Variants in CACNA1C observed in about 807,000 individuals in gnomAD.
The protein encoded by CACNA1C is voltage-dependent L-type calcium channel subunit alpha-1C.
A neutral mutation model predicts 229.0 loss-of-function variants in CACNA1C; 30 were observed. That is an observed-to-expected ratio of 0.13 (90% CI 0.10 to 0.18). The LOEUF is 0.18. CACNA1C is among the 10% of genes least tolerant of loss of function. The pLI is 1.00. For synonymous variants in CACNA1C, 1,114 were observed against 1,132.5 expected (o/e 0.98, Z 0.33); for missense variants, 1,658 against 2,845.0 (o/e 0.58, Z 9.49).
intron 3 of CACNA1C, among the ~76,000 whole-genome samples, chr12:2,421,354 A>G (rs2098977281): frequency 6.6e-6 from 1 of 152,252 alleles, no homozygotes; most frequent in South Asian, 2.1e-4. Flanking sequence ...ACTGGAGTCA[A>G]TGAGGCAATG....
intron 1 of CACNA1C, among the ~76,000 whole-genome samples, chr12:2,098,425 G>C (rs558576453): frequency 1.3e-5 from 2 of 152,312 alleles, no homozygotes; most frequent in East Asian, 3.9e-4. Flanking sequence ...AGACTTCCAG[G>C]AGTGGCACAA....
chr12:2,488,089 T>C lies in CACNA1C; in HGVS notation c.916+1827T>C, dbSNP rs1324482671. Among the ~76,000 whole-genome samples the C allele has an allele frequency of 6.6e-6, 1 of 152,150 alleles. No homozygotes were observed. Among genetic ancestry groups the C allele is most frequent in the Admixed American group, 6.5e-5 (1 of 15,278 alleles). ...AACAAAATGGGGGAGAGCGAAATGG[T>C]AGAATTCAGCCATCGAGCCAAAGAT... On this transcript the variant is annotated intron_variant, in intron 6 of 46. Transcript: ENST00000399655. This position sits in a 1 kb window ranked among gnomAD's most constrained non-coding sequence, Gnocchi z 4.0.
intron 1 of CACNA1C, among the ~76,000 whole-genome samples, chr12:2,068,138 T>C (rs1172184609): frequency 6.6e-6 from 1 of 152,152 alleles, no homozygotes; most frequent in Non-Finnish European, 1.5e-5. Context: ...AAGAAAAATA[T>C]GATATCCTGA....
In CACNA1C at chr12:2,602,633, TGTG is replaced by T. The variant is rs2073209398; in HGVS notation, c.2960+674_2960+676del. Reference sequence around the variant, plus strand: ...TGTGACTGTGTATATTTGTGTCTTGTGTGTGTGTGTGTGTGTGTGTGTGTGTGT... The same window carrying T: ...TGTGACTGTGTATATTTGTGTCTTGTTGTGTGTGTGTGTGTGTGTGTGTGT... On this transcript the variant is annotated intron_variant, in intron 22 of 46. Transcript: ENST00000399655. The surrounding 1 kb of genome is among the most constrained non-coding windows in gnomAD (Gnocchi z 4.4). Among the ~76,000 whole-genome samples, 21 of 21,196 alleles carry T rather than the reference TGTG, an allele frequency of 9.9e-4. No individual in the cohort carries two copies. Among genetic ancestry groups the T allele is most frequent in the Admixed American group, 3.4e-3 (4 of 1,182 alleles). 13.9% of individuals were successfully genotyped at this position (21,196 alleles called of 152,430 possible).
rs1277165428 is a variant in CACNA1C at position 2,666,587 on chromosome 12, CAT to C, written c.4527-96_4527-95del. 5 of 686,568 alleles carry C rather than the reference CAT, an allele frequency of 7.3e-6. No individual in the cohort carries two copies. Among genetic ancestry groups the C allele is most frequent in the South Asian group, 5.2e-5 (3 of 57,736 alleles). The allele number at this position is 686,568 out of a possible 1,614,324, so 42.5% of individuals were successfully genotyped here. On this transcript the variant is annotated intron_variant, in intron 36 of 46. Transcript: ENST00000399655. The surrounding 1 kb of genome is among the most constrained non-coding windows in gnomAD (Gnocchi z 5.3). ...GGCTACCACACTGTGCAGTGTTGCC[CAT>C]ATGAGTGGGCCCTACCCCTCAGGCG...
At chr12:2,549,429 G>A (rs2099892063) in intron 9 of CACNA1C, among the ~76,000 whole-genome samples, 1 of 152,196 alleles carries the variant, frequency 6.6e-6, no homozygotes, top group Non-Finnish European at 1.5e-5. Context: ...GCCGGAAAGG[G>A]AAGGCCTCTG....
chr12:2,284,165 G>A (rs1359043999), intron 3 of CACNA1C, among the ~76,000 whole-genome samples: 1 of 152,202 alleles, frequency 6.6e-6, no homozygotes, highest in Non-Finnish European at 1.5e-5. Context: ...GGCTGCATGA[G>A]TGAGGGGCCG....
chr12:2,230,662 A>G (rs527969120), intron 3 of CACNA1C, among the ~76,000 whole-genome samples: 55 of 152,186 alleles, frequency 3.6e-4, no homozygotes, highest in Non-Finnish European at 6.8e-4. Context: ...TCTGGAGAAA[A>G]GAGGCTAGAA....
intron 4 of CACNA1C, among the ~76,000 whole-genome samples, chr12:2,452,411 C>T (rs2099387239): frequency 6.6e-6 from 1 of 152,170 alleles, no homozygotes; most frequent in South Asian, 2.1e-4. Context: ...GCATCCCTAC[C>T]TCCCTAGCAG....
intron 3 of CACNA1C, among the ~76,000 whole-genome samples, chr12:2,135,818 G>T (rs7132581): frequency 1.4e-5 from 2 of 146,436 alleles, no homozygotes; most frequent in Non-Finnish European, 3.0e-5. Context: ...GCCTCCTTGA[G>T]CTGTGGTAGG....
At chr12:2,438,358 A>AATGATGGTGGTGGTG (rs1567683933) in intron 3 of CACNA1C, among the ~76,000 whole-genome samples, 4 of 71,706 alleles carry the variant, frequency 5.6e-5, no homozygotes, top group Admixed American at 4.4e-4. Context: ...TGGTGGTGGT[A>AATGATGGTGGTGGTG]ATGATGGTGG....
At chr12:2,392,871 T>A (rs1175959255) in intron 3 of CACNA1C, among the ~76,000 whole-genome samples, 1 of 152,176 alleles carries the variant, frequency 6.6e-6, no homozygotes, top group Non-Finnish European at 1.5e-5. Flanking sequence ...GTATGGCAGC[T>A]AGGGAGCTTT....
At chr12:2,373,497 A>G (rs1567306489) in intron 3 of CACNA1C, among the ~76,000 whole-genome samples, 1 of 152,094 alleles carries the variant, frequency 6.6e-6, no homozygotes, top group Non-Finnish European at 1.5e-5. Flanking sequence ...CTGCCCTGGG[A>G]CAAGCTAGAG....
At chr12:2,648,573 CA>C in intron 31 of CACNA1C, 66 bp downstream of exon 31, 2 of 1,465,376 alleles carry the variant, frequency 1.4e-6, no homozygotes, top group South Asian at 2.3e-5. Flanking sequence ...CCACTCTCCC[CA>C]CCCCGAACTC....
At chr12:2,490,150 G>A (rs2099713324) in intron 6 of CACNA1C, among the ~76,000 whole-genome samples, 1 of 152,256 alleles carries the variant, frequency 6.6e-6, no homozygotes, top group Admixed American at 6.5e-5. Flanking sequence ...AAATAGCAGA[G>A]TGGCACTAAA....
rs1016428412 is a variant in CACNA1C at position 2,653,380 on chromosome 12, C to G, written c.4075-455C>G. The stretch of plus-strand genomic sequence containing the variant: ...TTAAATTTTTCCTTATTAAATGTTT[C>G]CATTGCAATAGTAATACCCGCTCAC... On this transcript the variant is annotated intron_variant, in intron 32 of 46. Coordinates refer to ENST00000399655, the MANE Select transcript of CACNA1C (RefSeq NM_000719.7). The surrounding 1 kb of genome is among the most constrained non-coding windows in gnomAD (Gnocchi z 4.7). Among the ~76,000 whole-genome samples, 3 of 152,130 alleles carry G rather than the reference C, an allele frequency of 2.0e-5. No homozygotes were observed. The East Asian group carries it at 5.8e-4, about 29-fold the overall frequency.
In CACNA1C at chr12:2,152,052, A is replaced by C. The variant is rs1331171467; in HGVS notation, c.477+31622A>C. ...GACTAGTGTGAGAAACTTGAAACTCAGTCTCATTGCTATTTGTGGTAATGG... is the reference window on the plus strand; with the variant it reads ...GACTAGTGTGAGAAACTTGAAACTCCGTCTCATTGCTATTTGTGGTAATGG... On this transcript the variant is annotated intron_variant, in intron 3 of 46. Transcript: ENST00000399655. The surrounding 1 kb of genome is among the most constrained non-coding windows in gnomAD (Gnocchi z 4.2). 6.6e-6 allele frequency among the ~76,000 whole-genome samples: 1 copy of C among 152,234 alleles called. No homozygotes were observed. The highest frequency in any genetic ancestry group is 1.5e-5 in the Non-Finnish European group (1 of 68,044).
chr12:2,320,717 G>C (rs2095941601), intron 3 of CACNA1C, among the ~76,000 whole-genome samples: 1 of 152,156 alleles, frequency 6.6e-6, no homozygotes, highest in Non-Finnish European at 1.5e-5. Context: ...CTTTCTCTGT[G>C]ACCCATCCCA....
chr12:2,202,327 G>C (rs975356406), intron 3 of CACNA1C, among the ~76,000 whole-genome samples: 1 of 152,180 alleles, frequency 6.6e-6, no homozygotes, highest in Admixed American at 6.5e-5. Flanking sequence ...CTCTTACTTT[G>C]TGTCTTTTTC....
Sources: allele counts gnomAD v4.1 joint callset (sites outside exome capture counted in the v4.1 genomes callset), GRCh38; gene constraint gnomAD v4.1.1; non-coding constraint Gnocchi (gnomAD v3.1); transcripts MANE v1.5; gene names NCBI Gene and HGNC (gene_info 2026-07-23, HGNC 2026-07-21).